Variants in RALGAPA2 observed in about 807,000 individuals in gnomAD.
RALGAPA2 encodes the protein Ral GTPase activating protein catalytic subunit alpha 2.
In RALGAPA2, 139 loss-of-function variants were observed where a neutral mutation model predicts 230.4. That is an observed-to-expected ratio of 0.60 (90% CI 0.53 to 0.69). RALGAPA2 has a LOEUF of 0.69. Ranked by LOEUF, RALGAPA2 falls within the 30% of genes least tolerant of loss-of-function variation. RALGAPA2 has a pLI of 0.00. For synonymous variants in RALGAPA2, 847 were observed against 837.8 expected (o/e 1.01, Z -0.19); for missense variants, 2,163 against 2,276.0 (o/e 0.95, Z 1.01).
intron 23 of RALGAPA2, among the ~76,000 whole-genome samples, chr20:20,553,921 T>C (rs1007329534): frequency 6.6e-6 from 1 of 152,242 alleles, no homozygotes; most frequent in African/African-American, 2.4e-5. Context: ...ACAATGTACA[T>C]GAATTTTATT....
At chr20:20,393,652 G>C (rs1357474168) in intron 39 of RALGAPA2, among the ~76,000 whole-genome samples, 1 of 152,176 alleles carries the variant, frequency 6.6e-6, no homozygotes, top group Admixed American at 6.5e-5. Flanking sequence ...CCCTGGCGGT[G>C]TTCCTGGAAT....
chr20:20,629,542 C>G lies in RALGAPA2; in HGVS notation c.1054G>C (p.Gly352Arg). The G allele has an allele frequency of 6.2e-7, 1 of 1,613,878 alleles. No homozygotes were observed. Among genetic ancestry groups the G allele is most frequent in the Non-Finnish European group, 8.5e-7 (1 of 1,179,900 alleles). Reference protein sequence around the residue: ...VQERAPELDGGGPTEQDKSHS... With the variant: ...VQERAPELDGRGPTEQDKSHS... ...CTTTTGTCCTGCTCCGTGGGCCCAC[C>G]ACCATCCAGCTCAGGCGCTCTCTCC... Residue 352 changes from glycine (G) to arginine (R), a missense_variant, in exon 10 of 40, where the codon GGT (glycine) becomes CGT (arginine). Physicochemically the swap from Gly to Arg is moderately radical, Grantham distance 125. Coordinates refer to ENST00000202677, the MANE Select transcript of RALGAPA2 (RefSeq NM_020343.4).
chr20:20,570,339 A>C (rs1305727973), intron 23 of RALGAPA2, among the ~76,000 whole-genome samples: 1 of 152,178 alleles, frequency 6.6e-6, no homozygotes, highest in Non-Finnish European at 1.5e-5. Context: ...AAGCAACAAA[A>C]AAAGTTTGCT....
rs373199581 is a variant in RALGAPA2 at position 20,650,398 on chromosome 20, T to G, written c.328+3132A>C. ...GATAAAATGTGGCTTTCGAGACTCA[T>G]AGAATACAGCAGTTGCCCTTATTTT... On this transcript the variant is annotated intron_variant, in intron 4 of 39. Transcript: ENST00000202677. Among the ~76,000 whole-genome samples the G allele has an allele frequency of 2.6e-5, 4 of 152,326 alleles. No individual in the cohort carries two copies. In the South Asian group the frequency reaches 6.2e-4, roughly 24 times the overall value.
At chr20:20,464,883 T>C (rs1602448682) in intron 37 of RALGAPA2, among the ~76,000 whole-genome samples, 1 of 152,244 alleles carries the variant, frequency 6.6e-6, no homozygotes, top group East Asian at 1.9e-4. Flanking sequence ...TTTGAGTTCC[T>C]ACTATGTGTC....
intron 39 of RALGAPA2, among the ~76,000 whole-genome samples, chr20:20,393,470 TA>T (rs1445364257): frequency 6.6e-6 from 1 of 152,188 alleles, no homozygotes; most frequent in Non-Finnish European, 1.5e-5. Flanking sequence ...TTCTGCAGCA[TA>T]AAAGAAGCTA....
chr20:20,539,615 G>A (rs560256308), intron 24 of RALGAPA2, among the ~76,000 whole-genome samples: 35 of 151,468 alleles, frequency 2.3e-4, no homozygotes, highest in East Asian at 5.9e-4. Context: ...TCCTTTATGC[G>A]TGAGTTGTGA....
At chr20:20,602,813 C>CGT (rs35087554) in intron 15 of RALGAPA2, among the ~76,000 whole-genome samples, 17,463 of 147,676 alleles carry the variant, frequency 0.12, 1,073 homozygotes, top group African/African-American at 0.16. Context: ...GAATGGCAGG[C>CGT]GTGTGTGTGT....
At position 20,696,183 on chromosome 20, in the gene RALGAPA2, G is replaced by A. The variant is rs527812574; in HGVS notation, c.107-15382C>T. ...CTTCTCATCACTACTCGCTGCTGCA[G>A]TAAGGAGGGACACAGGCTGCCTGTC... On this transcript the variant is annotated intron_variant, in intron 1 of 39. Coordinates refer to ENST00000202677, the MANE Select transcript of RALGAPA2 (RefSeq NM_020343.4). Among the ~76,000 whole-genome samples, 9 of 152,276 alleles carry A rather than the reference G, an allele frequency of 5.9e-5. No individual in the cohort carries two copies. In the East Asian group the frequency reaches 1.5e-3, roughly 26 times the overall value.
At chr20:20,606,361 C>G (rs968182603) in intron 14 of RALGAPA2, among the ~76,000 whole-genome samples, 1 of 152,140 alleles carries the variant, frequency 6.6e-6, no homozygotes, top group Non-Finnish European at 1.5e-5. Context: ...CAGCTTAGAC[C>G]TCTCTACTGG....
intron 36 of RALGAPA2, among the ~76,000 whole-genome samples, chr20:20,478,436 A>G (rs1039314515): frequency 6.6e-6 from 1 of 152,092 alleles, no homozygotes; most frequent in Non-Finnish European, 1.5e-5. Flanking sequence ...TTAAAAATAG[A>G]AAACAAACAT....
intron 36 of RALGAPA2, among the ~76,000 whole-genome samples, chr20:20,486,293 A>G (rs1411012212): frequency 6.6e-6 from 1 of 150,600 alleles, no homozygotes; most frequent in East Asian, 1.9e-4. Context: ...CTAATCACAC[A>G]TTCCCTCAAC....
intron 10 of RALGAPA2, among the ~76,000 whole-genome samples, chr20:20,625,380 C>A (rs1281280229): frequency 6.6e-6 from 1 of 152,164 alleles, no homozygotes; most frequent in Non-Finnish European, 1.5e-5. Flanking sequence ...TTGCTTTCTC[C>A]TCTATAATTA....
Position 20,398,346 on chromosome 20 carries a change from T to C in RALGAPA2, c.5618-1612A>G, listed in dbSNP as rs2059762181. Reference sequence around the variant, plus strand: ...TGGAGGACTTGTTTGTAATTGCTGATGAGGACTGGGTTGCCCCTCTCCTGT... The same window carrying C: ...TGGAGGACTTGTTTGTAATTGCTGACGAGGACTGGGTTGCCCCTCTCCTGT... On this transcript the variant is annotated intron_variant, in intron 38 of 39. Transcript: ENST00000202677. This position sits in a 1 kb window ranked among gnomAD's most constrained non-coding sequence, Gnocchi z 4.5. Among the ~76,000 whole-genome samples the C allele has an allele frequency of 6.6e-6, 1 of 152,190 alleles. No individual in the cohort carries two copies. Among genetic ancestry groups the C allele is most frequent in the Admixed American group, 6.5e-5 (1 of 15,276 alleles).
chr20:20,540,706 T>C (rs1344178814), intron 24 of RALGAPA2, among the ~76,000 whole-genome samples: 1 of 152,158 alleles, frequency 6.6e-6, no homozygotes, highest in East Asian at 1.9e-4. Context: ...CATTTACCTT[T>C]ATACCATCTT....
intron 16 of RALGAPA2, among the ~76,000 whole-genome samples, chr20:20,592,605 G>A (rs2065325345): frequency 6.6e-6 from 1 of 152,114 alleles, no homozygotes; most frequent in African/African-American, 2.4e-5. Context: ...ATTTTAATTT[G>A]CTCATTACTA....
chr20:20,609,297 C>G (rs999025790), intron 14 of RALGAPA2, among the ~76,000 whole-genome samples: 14 of 152,186 alleles, frequency 9.2e-5, no homozygotes, highest in Non-Finnish European at 1.6e-4. Context: ...CCATGCCCAG[C>G]CTTTTGGTTA....
At chr20:20,472,383 G>C (rs2061559044) in intron 37 of RALGAPA2, 1 of 152,396 alleles carries the variant, frequency 6.6e-6, no homozygotes, top group African/African-American at 2.4e-5. Flanking sequence ...CTTCTCAGGT[G>C]GTACCTGCCA....
rs781680114 is a variant in RALGAPA2 at position 20,637,497 on chromosome 20, G to A, written c.671C>T (p.Ala224Val). 8.3e-6 allele frequency: 13 copies of A among 1,560,100 alleles called. No individual in the cohort carries two copies. The Admixed American group carries it at 1.2e-4, about 14-fold the overall frequency. ...ILLKYMVIQA[A>V]SLEWKNKENQ... ...CTCCTTATTCTTCCACTCCAAGCTC[G>A]CAGCCTTTGGATAATATGTGGAAAA... Residue 224 changes from alanine (A) to valine (V), a missense_variant, in exon 8 of 40, where the codon GCG (alanine) becomes GTG (valine). Ala to Val is a moderately conservative substitution (Grantham distance 64). Coordinates refer to ENST00000202677, the MANE Select transcript of RALGAPA2 (RefSeq NM_020343.4).
Sources: allele counts gnomAD v4.1 joint callset (sites outside exome capture counted in the v4.1 genomes callset), GRCh38; gene constraint gnomAD v4.1.1; non-coding constraint Gnocchi (gnomAD v3.1); transcripts MANE v1.5; gene names NCBI Gene and HGNC (gene_info 2026-07-23, HGNC 2026-07-21).